The following CHODL variants were observed in gnomAD, a reference collection of about 807,000 sequenced individuals.
CHODL encodes chondrolectin, also known as transmembrane protein MT75.
In CHODL, 29 loss-of-function variants were observed where a neutral mutation model predicts 34.5. The ratio of observed to expected loss-of-function variants is 0.84; its 90% CI spans 0.63 to 1.15. The LOEUF is 1.15. Ranked by LOEUF, CHODL falls within the 50% of genes most tolerant of loss-of-function variation. The pLI, the probability that CHODL is intolerant of heterozygous loss-of-function variation, is 0.00. For missense variants in CHODL, 332 were observed against 332.5 expected, an observed-to-expected ratio of 1.00 and a Z score of 0.01; for synonymous variants, 125 against 116.1, an observed-to-expected ratio of 1.08 and a Z score of -0.49.
At chr21:17,962,843 C>T (rs1157145677) in intron 1 of CHODL, among the ~76,000 whole-genome samples, 1 of 151,898 alleles carries the variant, frequency 6.6e-6, no homozygotes, top group Non-Finnish European at 1.5e-5. Context: ...GCGGGTGGAT[C>T]ATGAGGTCAG....
intron 1 of CHODL, among the ~76,000 whole-genome samples, chr21:17,967,993 T>C (rs1362095776): frequency 3.3e-5 from 5 of 152,236 alleles, no homozygotes; most frequent in Non-Finnish European, 7.3e-5. Flanking sequence ...ATTAAAACAA[T>C]GTTTATCTTG....
chr21:18,222,400 A>G (rs2073893046), intron 2 of CHODL, among the ~76,000 whole-genome samples: 1 of 152,120 alleles, frequency 6.6e-6, no homozygotes, highest in Non-Finnish European at 1.5e-5. Context: ...CTTTACTCAG[A>G]AAATAGTGGT....
rs184821552 is a variant in CHODL at position 17,966,502 on chromosome 21, C to T, written c.-145+49102C>T. On this transcript the variant is annotated intron_variant, in intron 1 of 6. Coordinates refer to the CHODL transcript ENST00000400127. Reference sequence around the variant, plus strand: ...CACCTAGATGGAAATGGATTGAGTCCGCACTTGTCTAGTTCTTATTTCCCA... The same window carrying T: ...CACCTAGATGGAAATGGATTGAGTCTGCACTTGTCTAGTTCTTATTTCCCA... Among the ~76,000 whole-genome samples, 11 of 152,200 alleles carry T rather than the reference C, an allele frequency of 7.2e-5. No individual in the cohort carries two copies. The East Asian group carries it at 7.7e-4, about 11-fold the overall frequency.
chr21:18,080,334 A>C (rs1315034621), intron 2 of CHODL, among the ~76,000 whole-genome samples: 2 of 152,032 alleles, frequency 1.3e-5, no homozygotes, highest in Non-Finnish European at 2.9e-5. Flanking sequence ...TTTAGGTTTA[A>C]TTAAGTCTCA....
chr21:18,172,693 A>G (rs1041408126), intron 2 of CHODL, among the ~76,000 whole-genome samples: 1 of 152,166 alleles, frequency 6.6e-6, no homozygotes, highest in Non-Finnish European at 1.5e-5. Context: ...AGAAGAGTGG[A>G]TCTTCAGAAG....
At chr21:18,163,537 G>T (rs1167591528) in intron 2 of CHODL, among the ~76,000 whole-genome samples, 1 of 152,072 alleles carries the variant, frequency 6.6e-6, no homozygotes, top group Non-Finnish European at 1.5e-5. Context: ...CAAAATTCTA[G>T]TAGGTTCTAT....
At chr21:18,051,655 A>G (rs530023957) in intron 2 of CHODL, among the ~76,000 whole-genome samples, 1 of 152,038 alleles carries the variant, frequency 6.6e-6, no homozygotes, top group South Asian at 2.1e-4. Flanking sequence ...TGCAAATTGT[A>G]AATTTGGCAG....
intron 1 of CHODL, among the ~76,000 whole-genome samples, chr21:18,008,721 T>C (rs2063983455): frequency 6.6e-6 from 1 of 152,212 alleles, no homozygotes; most frequent in Non-Finnish European, 1.5e-5. Context: ...ACATTTACTA[T>C]TTAAGTATTG....
chr21:18,024,201 A>G (rs2064152922), intron 1 of CHODL, among the ~76,000 whole-genome samples: 1 of 152,214 alleles, frequency 6.6e-6, no homozygotes. Flanking sequence ...TTCAAAACCT[A>G]AATGTTTAGA....
intron 2 of CHODL, among the ~76,000 whole-genome samples, chr21:18,039,072 A>T (rs981215297): frequency 6.6e-6 from 1 of 151,628 alleles, no homozygotes; most frequent in African/African-American, 2.4e-5. Context: ...TTTTCATTCC[A>T]TCCCATTTTG....
intron 2 of CHODL, among the ~76,000 whole-genome samples, chr21:18,057,529 A>G (rs1405547353): frequency 1.3e-5 from 2 of 152,052 alleles, no homozygotes; most frequent in Admixed American, 6.6e-5. Flanking sequence ...CATAGTTTAC[A>G]TAGGGTTCAC....
chr21:18,010,496 C>T (rs2064009267), intron 1 of CHODL, among the ~76,000 whole-genome samples: 1 of 152,078 alleles, frequency 6.6e-6, no homozygotes, highest in African/African-American at 2.4e-5. Flanking sequence ...CATGTTTAAA[C>T]ACTTCATAAT....
At chr21:17,980,608 T>G (rs944517126) in intron 1 of CHODL, among the ~76,000 whole-genome samples, 3 of 152,174 alleles carry the variant, frequency 2.0e-5, no homozygotes, top group African/African-American at 7.2e-5. Flanking sequence ...AAAATGATGT[T>G]GCATTGAATT....
chr21:18,094,742 CAAA>C (rs3984979), intron 2 of CHODL, among the ~76,000 whole-genome samples: 29 of 126,546 alleles, frequency 2.3e-4, no homozygotes, highest in Middle Eastern at 4.5e-3. Flanking sequence ...ATGTCTACAT[CAAA>C]AAAAAAAAAA....
chr21:18,207,467 CT>C (rs2073724741), intron 2 of CHODL, among the ~76,000 whole-genome samples: 1 of 152,078 alleles, frequency 6.6e-6, no homozygotes, highest in South Asian at 2.1e-4. Flanking sequence ...TTTAGTGTTT[CT>C]ACTTAAGATA....
intron 2 of CHODL, among the ~76,000 whole-genome samples, chr21:18,228,097 A>T (rs1490345466): frequency 6.6e-6 from 1 of 152,176 alleles, no homozygotes; most frequent in Non-Finnish European, 1.5e-5. Context: ...AACTATTGAC[A>T]TTAATCTAAG....
chr21:18,016,908 G>C lies in CHODL; in HGVS notation c.-144-10964G>C, dbSNP rs542482683. On this transcript the variant is annotated intron_variant, in intron 1 of 6. Transcript: ENST00000400127. Reference sequence around the variant, plus strand: ...TTTGGAGCTTTAAGATTTAATGAGTGCCCTGGCAGATTTTGGACTTGCATG... The same window carrying C: ...TTTGGAGCTTTAAGATTTAATGAGTCCCCTGGCAGATTTTGGACTTGCATG... Among the ~76,000 whole-genome samples the C allele has an allele frequency of 4.6e-5, 7 of 152,354 alleles. No homozygotes were observed. The South Asian group carries it at 1.4e-3, about 32-fold the overall frequency.
At chr21:18,078,727 T>G (rs1438400563) in intron 2 of CHODL, among the ~76,000 whole-genome samples, 1 of 152,172 alleles carries the variant, frequency 6.6e-6, no homozygotes, top group African/African-American at 2.4e-5. Context: ...ACATATTACT[T>G]GCTTAGTGGT....
At chr21:18,244,097 G>T (rs1055934737), upstream of CHODL, among the ~76,000 whole-genome samples, 1 of 152,150 alleles carries the variant, frequency 6.6e-6, no homozygotes, top group African/African-American at 2.4e-5. Context: ...GTCAGGTTAT[G>T]AAAAATGCAG....
Sources: gnomAD v4.1 joint callset for allele counts (sites outside exome capture counted in the v4.1 genomes callset) on GRCh38, gnomAD v4.1.1 for gene constraint, MANE v1.5 for transcripts, NCBI Gene and HGNC (gene_info 2026-07-23, HGNC 2026-07-21) for gene names.